The following TP53BP2 variants were observed in gnomAD, a reference collection of about 807,000 sequenced individuals.
The protein encoded by TP53BP2 is tumor protein p53 binding protein 2, also known as apoptosis-stimulating of p53 protein 2.
TP53BP2 carries 62 observed loss-of-function variants against 126.2 expected under a neutral mutation model. The ratio of observed to expected loss-of-function variants is 0.49; its 90% CI spans 0.40 to 0.61. The LOEUF (loss-of-function observed/expected upper bound fraction) is 0.61. Among genes scored for constraint, TP53BP2 ranks in the 20% least tolerant of loss-of-function variants. TP53BP2 has a pLI of 0.00. For synonymous variants in TP53BP2, 485 were observed against 502.9 expected (o/e 0.96, Z 0.48); for missense variants, 1,215 against 1,402.8 (o/e 0.87, Z 2.14).
intron 1 of TP53BP2, among the ~76,000 whole-genome samples, chr1:223,842,722 G>A (rs1003995340): frequency 2.0e-5 from 3 of 152,192 alleles, no homozygotes; most frequent in Non-Finnish European, 4.4e-5. Context: ...CAAAATCAAA[G>A]TAGTGAATAA....
intron 3 of TP53BP2, 66 bp from the exon 4 acceptor site, chr1:223,810,579 A>AT (rs1662877982): frequency 9.0e-7 from 1 of 1,110,978 alleles, no homozygotes; most frequent in African/African-American, 1.6e-5. Context: ...GAACCAGTTC[A>AT]TTTCTGAGTT....
intron 12 of TP53BP2, among the ~76,000 whole-genome samples, chr1:223,797,626 G>A (rs1201994760): frequency 6.6e-6 from 1 of 151,974 alleles, no homozygotes. Context: ...GGTCAGGCTG[G>A]TCTCGAACTC....
At chr1:223,789,391 TG>T (rs1461209275) in intron 15 of TP53BP2, among the ~76,000 whole-genome samples, 1 of 152,164 alleles carries the variant, frequency 6.6e-6, no homozygotes, top group African/African-American at 2.4e-5. Context: ...TGGACCACAA[TG>T]GGGCTGGGAG....
chr1:223,821,732 C>T (rs368699748), intron 1 of TP53BP2, among the ~76,000 whole-genome samples: 1 of 152,144 alleles, frequency 6.6e-6, no homozygotes, highest in East Asian at 1.9e-4. Context: ...ACAACCTCAT[C>T]CATATATACT....
At chr1:223,820,990 T>A (rs969110216) in intron 2 of TP53BP2, 2 of 578,866 alleles carry the variant, frequency 3.5e-6, no homozygotes, top group South Asian at 2.0e-5. Flanking sequence ...ACAGCCCAGA[T>A]GACCTTTTGT....
chr1:223,822,050 C>A (rs138887274), intron 1 of TP53BP2, among the ~76,000 whole-genome samples: 1 of 152,144 alleles, frequency 6.6e-6, no homozygotes, highest in Non-Finnish European at 1.5e-5. Flanking sequence ...TGCCATATCA[C>A]ACCACACCAC....
In TP53BP2 at chr1:223,821,299, T is replaced by C. The variant is rs749110665; in HGVS notation, c.96A>G (p.Thr32=). The change falls in exon 2 of 18, where the codon ACA becomes ACG. Residue 32 remains threonine (T), a synonymous_variant. Coordinates refer to ENST00000343537, the MANE Select transcript of TP53BP2 (RefSeq NM_001031685.3). ...HFTEVPVTPE[T]ICRDVVDLCK... ...ACAGATCCACCACGTCTCTGCATAT[T>C]GTTTCTGGAGTAACTGGAACTTCTG... 4 of 1,614,096 alleles carry C rather than the reference T, an allele frequency of 2.5e-6. No homozygotes were observed. The highest frequency in any genetic ancestry group is 2.5e-6 in the Non-Finnish European group (3 of 1,179,902).
At chr1:223,783,589 CTCTG>C (rs965677096) in intron 17 of TP53BP2, among the ~76,000 whole-genome samples, 2 of 152,220 alleles carry the variant, frequency 1.3e-5, no homozygotes, top group East Asian at 1.9e-4. Context: ...GCTTTCTCTC[CTCTG>C]TCTGACCATA....
At chr1:223,783,742 T>G in intron 17 of TP53BP2, among the ~76,000 whole-genome samples, 1 of 152,216 alleles carries the variant, frequency 6.6e-6, no homozygotes, top group East Asian at 1.9e-4. Context: ...AATCAAATAG[T>G]ACAGAAAAAC....
chr1:223,825,495 A>T (rs1663460312), intron 1 of TP53BP2, among the ~76,000 whole-genome samples: 1 of 151,974 alleles, frequency 6.6e-6, no homozygotes. Flanking sequence ...CACCTGATTT[A>T]TTTTCACGGT....
intron 1 of TP53BP2, 178 bp from the exon 2 acceptor site, chr1:223,821,545 C>T (rs556294199): frequency 2.5e-6 from 2 of 789,626 alleles, no homozygotes; most frequent in Admixed American, 1.7e-5. Context: ...GACCTGGAGC[C>T]CAGCCCCTAC....
At chr1:223,794,545 A>G (rs756366764) in intron 13 of TP53BP2, among the ~76,000 whole-genome samples, 19 of 152,240 alleles carry the variant, frequency 1.2e-4, no homozygotes, top group Non-Finnish European at 2.6e-4. Flanking sequence ...TCTTAAAAAG[A>G]AAGTATAATA....
At chr1:223,793,021 A>C (rs1299022406) in intron 14 of TP53BP2, among the ~76,000 whole-genome samples, 1 of 152,094 alleles carries the variant, frequency 6.6e-6, no homozygotes. Context: ...ACTCTAGAGG[A>C]CTCCAAGTGA....
chr1:223,807,032 G>T, intron 4 of TP53BP2, 85 bp from the exon 5 acceptor site: 1 of 969,192 alleles, frequency 1.0e-6, no homozygotes, highest in South Asian at 1.5e-5. Flanking sequence ...CTATGTAAAA[G>T]CTTCATATGA....
At chr1:223,802,695 C>G in intron 8 of TP53BP2, 36 bp downstream of exon 8, 7 of 1,609,004 alleles carry the variant, frequency 4.4e-6, no homozygotes, top group Non-Finnish European at 5.9e-6. Flanking sequence ...ATCTTTTTCC[C>G]TCCTCCCCAA....
At chr1:223,834,961 C>T in intron 1 of TP53BP2, 1 of 683,082 alleles carries the variant, frequency 1.5e-6, no homozygotes, top group African/African-American at 1.9e-5. Context: ...TCTTAAATGC[C>T]TCCTCCCTGG....
At chr1:223,814,920 G>A (rs1356265456) in intron 2 of TP53BP2, among the ~76,000 whole-genome samples, 2 of 151,986 alleles carry the variant, frequency 1.3e-5, no homozygotes, top group African/African-American at 4.8e-5. Flanking sequence ...CTCTTCCAGT[G>A]AGAATACCAG....
intron 2 of TP53BP2, among the ~76,000 whole-genome samples, chr1:223,817,419 AT>A (rs895343048): frequency 1.3e-5 from 2 of 151,390 alleles, no homozygotes; most frequent in Admixed American, 6.6e-5. Flanking sequence ...GAAAAACAAA[AT>A]TTTTTTTGAA....
chr1:223,843,640 G>A (rs1664177064), intron 1 of TP53BP2, among the ~76,000 whole-genome samples: 1 of 151,974 alleles, frequency 6.6e-6, no homozygotes, highest in Admixed American at 6.6e-5. Flanking sequence ...GTACATCAAG[G>A]CAATTGTCTA....
Sources: allele counts gnomAD v4.1 joint callset (sites outside exome capture counted in the v4.1 genomes callset), GRCh38; gene constraint gnomAD v4.1.1; transcripts MANE v1.5; gene names NCBI Gene and HGNC (gene_info 2026-07-23, HGNC 2026-07-21).